The following CDC42 variants were observed in gnomAD, a reference collection of about 807,000 sequenced individuals.
CDC42 encodes cell division control protein 42 homolog.
In CDC42, 1 loss-of-function variant was observed where a neutral mutation model predicts 20.8. That is an observed-to-expected ratio of 0.05 (90% CI 0.02 to 0.23). The LOEUF (loss-of-function observed/expected upper bound fraction) is 0.23, where lower values mean the gene tolerates loss of function less well. CDC42 is among the 10% of genes least tolerant of loss of function. The pLI is 1.00. For missense variants in CDC42, 49 were observed against 227.9 expected (o/e 0.21, Z 5.05); for synonymous variants, 72 against 84.8 (o/e 0.85, Z 0.83).
chr1:22,058,563 A>C (rs1461894214), intron 1 of CDC42, among the ~76,000 whole-genome samples: 1 of 151,056 alleles, frequency 6.6e-6, no homozygotes, highest in South Asian at 2.1e-4. Flanking sequence ...ACTCACTGCA[A>C]CCTCCACCTC....
At chr1:22,089,503 T>C (rs756900378) in intron 5 of CDC42, among the ~76,000 whole-genome samples, 2 of 152,232 alleles carry the variant, frequency 1.3e-5, no homozygotes. Context: ...ATTAACACTT[T>C]TTAAATGTCT....
In CDC42 at chr1:22,098,203, A is replaced by T. The variant is rs1223035257; in HGVS notation, c.*6686A>T. Among the ~76,000 whole-genome samples the T allele has an allele frequency of 6.6e-6, 1 of 151,412 alleles. No homozygotes were observed. The highest frequency in any genetic ancestry group is 2.4e-5 in the African/African-American group (1 of 41,172). Reference sequence around the variant, plus strand: ...TTATTTTGATGAAGTTTGCATTATTACTCCTAACAACGTGCCCTTTGGCAG... The same window carrying T: ...TTATTTTGATGAAGTTTGCATTATTTCTCCTAACAACGTGCCCTTTGGCAG... On this transcript the variant is annotated 3_prime_UTR_variant, in exon 6 of 6. Coordinates refer to ENST00000656825, the MANE Select transcript of CDC42 (RefSeq NM_001791.4).
Position 22,079,139 on chromosome 1 carries a change from C to CT in CDC42, c.105+573dup, listed in dbSNP as rs10609742. Among the ~76,000 whole-genome samples the CT allele has an allele frequency of 8.2e-3, 958 of 116,706 alleles. 9 individuals carry two copies. The highest frequency in any genetic ancestry group is 0.035 in the Middle Eastern group (9 of 258). 76.6% of individuals were successfully genotyped at this position (116,706 alleles called of 152,430 possible). The stretch of plus-strand genomic sequence containing the variant: ...CCCACAACTGTTCTTTTCTTTTTTT[C>CT]TTTTTTTTTTTTTTTTTGAGATGGA... On this transcript the variant is annotated intron_variant, in intron 2 of 5. Coordinates refer to ENST00000656825, the MANE Select transcript of CDC42 (RefSeq NM_001791.4).
chr1:22,067,796 C>T (rs1235550823), intron 1 of CDC42, among the ~76,000 whole-genome samples: 4 of 152,200 alleles, frequency 2.6e-5, no homozygotes, highest in African/African-American at 7.2e-5. Flanking sequence ...CTTCTAACAA[C>T]GTCACACTGG....
At chr1:22,053,572 A>G (rs949803822) in intron 1 of CDC42, 3 of 151,346 alleles carry the variant, frequency 2.0e-5, no homozygotes, top group African/African-American at 4.9e-5. Flanking sequence ...ATCGGGGGGG[A>G]ATTTTCTTTG....
chr1:22,069,170 CTTTTTTTTTTTTT>C (rs71724070), intron 1 of CDC42, among the ~76,000 whole-genome samples: 1 of 80,808 alleles, frequency 1.2e-5, no homozygotes, highest in Non-Finnish European at 2.3e-5. Context: ...CATTTTATTC[CTTTTTTTTTTTTT>C]TTTTTTTTTT....
chr1:22,086,862 C>T lies in CDC42; in HGVS notation c.482C>T (p.Thr161Ile). Residue 161 changes from threonine to isoleucine, a missense_variant, in exon 5 of 6, where the codon ACA becomes ATA. By Grantham distance (89) the Thr-to-Ile change is moderately conservative. Transcript: ENST00000656825. Reference sequence around the variant, plus strand: ...AAGTATGTGGAGTGTTCTGCACTTACACAGGTAAGAATGGCATGAAACCCC... The same window carrying T: ...AAGTATGTGGAGTGTTCTGCACTTATACAGGTAAGAATGGCATGAAACCCC... The part of the protein sequence containing the change: ...AVKYVECSAL[T>I]QKGLKNVFDE... 2 of 1,613,320 alleles carry T rather than the reference C, an allele frequency of 1.2e-6. No homozygotes were observed. The highest frequency in any genetic ancestry group is 1.7e-6 in the Non-Finnish European group (2 of 1,179,284).
chr1:22,082,529 T>G (rs1459325887), intron 3 of CDC42, among the ~76,000 whole-genome samples: 1 of 152,204 alleles, frequency 6.6e-6, no homozygotes, highest in Non-Finnish European at 1.5e-5. Flanking sequence ...TGCCGTCTTA[T>G]TATCAGCTCA....
At chr1:22,080,084 G>C (rs1318552959) in intron 2 of CDC42, among the ~76,000 whole-genome samples, 1 of 152,178 alleles carries the variant, frequency 6.6e-6, no homozygotes. Context: ...GCCATTTCTA[G>C]AGTAATAGAA....
chr1:22,061,578 C>T (rs1431679109), intron 1 of CDC42, among the ~76,000 whole-genome samples: 1 of 117,540 alleles, frequency 8.5e-6, no homozygotes, highest in African/African-American at 3.3e-5. Flanking sequence ...GAGTCTTGCT[C>T]TATCAGCCAG....
At position 22,087,058 on chromosome 1, in the gene CDC42, C is replaced by T. The variant is rs368411391; in HGVS notation, c.486+192C>T. Among the ~76,000 whole-genome samples, 16 of 152,072 alleles carry T rather than the reference C, an allele frequency of 1.1e-4. No individual in the cohort carries two copies. The East Asian group carries it at 1.3e-3, about 13-fold the overall frequency. ...TGGAGAATATTATTAGTTCCTAAACCCCTTGTGTTGGTAAGCTCTCGTATT... is the reference window on the plus strand; with the variant it reads ...TGGAGAATATTATTAGTTCCTAAACTCCTTGTGTTGGTAAGCTCTCGTATT... On this transcript the variant is annotated intron_variant, in intron 5 of 5. Coordinates refer to ENST00000656825, the MANE Select transcript of CDC42 (RefSeq NM_001791.4).
chr1:22,077,510 T>G (rs2124001898), intron 1 of CDC42, among the ~76,000 whole-genome samples: 1 of 152,264 alleles, frequency 6.6e-6, no homozygotes, highest in African/African-American at 2.4e-5. Context: ...AATTTAAATA[T>G]AAATCTTAAA....
At chr1:22,081,685 C>T (rs1645609321) in intron 2 of CDC42, 37 bp from the exon 3 acceptor site, 2 of 1,330,442 alleles carry the variant, frequency 1.5e-6, no homozygotes, top group African/African-American at 1.4e-5. Context: ...TAACTCTCTC[C>T]TTGCACACTA....
At chr1:22,071,391 G>A (rs1021180108) in intron 1 of CDC42, among the ~76,000 whole-genome samples, 1 of 152,152 alleles carries the variant, frequency 6.6e-6, no homozygotes, top group Non-Finnish European at 1.5e-5. Context: ...TATGCTTTTT[G>A]TTACATGTCT....
chr1:22,089,185 G>A lies in CDC42; in HGVS notation c.487-2243G>A, dbSNP rs1400542185. 2.0e-5 allele frequency among the ~76,000 whole-genome samples: 3 copies of A among 152,218 alleles called. No homozygotes were observed. The East Asian group carries it at 5.8e-4, about 29-fold the overall frequency. ...GTGAGTCTGTAGACCTGGGTCCTAA[G>A]TACCACCAATGCTGAGTCACACTGT... On this transcript the variant is annotated intron_variant, in intron 5 of 5. Coordinates refer to ENST00000656825, the MANE Select transcript of CDC42 (RefSeq NM_001791.4).
chr1:22,080,602 A>T (rs1402345288), intron 2 of CDC42, among the ~76,000 whole-genome samples: 1 of 146,086 alleles, frequency 6.8e-6, no homozygotes, highest in African/African-American at 2.4e-5. Context: ...TAATTTTAAA[A>T]TTTTTACTGT....
At chr1:22,081,584 T>G in intron 2 of CDC42, 138 bp from the exon 3 acceptor site, 3 of 596,916 alleles carry the variant, frequency 5.0e-6, no homozygotes, top group Non-Finnish European at 6.0e-6. Context: ...GTTGGCAAGA[T>G]TGGTTATATA....
intron 2 of CDC42, 192 bp downstream of exon 2, chr1:22,078,775 G>C (rs927977264): frequency 3.4e-6 from 5 of 1,476,314 alleles, no homozygotes; most frequent in Non-Finnish European, 4.5e-6. Context: ...GTCAGAAGGG[G>C]TGACACAGGG....
intron 1 of CDC42, among the ~76,000 whole-genome samples, chr1:22,063,231 G>A (rs1645385925): frequency 6.6e-6 from 1 of 151,804 alleles, no homozygotes; most frequent in Non-Finnish European, 1.5e-5. Context: ...CTGAAAATCT[G>A]TGGCACTCAT....
Sources: allele counts gnomAD v4.1 joint callset (sites outside exome capture counted in the v4.1 genomes callset), GRCh38; gene constraint gnomAD v4.1.1; transcripts MANE v1.5; gene names NCBI Gene and HGNC (gene_info 2026-07-23, HGNC 2026-07-21).